CFAP47: variants seen among roughly 807,000 people sequenced by gnomAD.
The protein encoded by CFAP47 is cilia- and flagella-associated protein 47.
In CFAP47, 29 loss-of-function variants were observed where a neutral mutation model predicts 148.1. That is an observed-to-expected ratio of 0.20 (90% CI 0.15 to 0.27). The LOEUF is 0.27. Ranked by LOEUF, CFAP47 falls within the 10% of genes least tolerant of loss-of-function variation. The pLI is 1.00. For missense variants in CFAP47, 1,872 were observed against 1,697.5 expected (o/e 1.10, Z -1.81); for synonymous variants, 664 against 577.3 (o/e 1.15, Z -2.15).
At chrX:36,122,899 C>G (rs1175574239) in intron 33 of CFAP47, among the ~76,000 whole-genome samples, 1 of 111,313 alleles carries the variant, frequency 9.0e-6, no homozygotes, top group East Asian at 2.9e-4. Flanking sequence ...GAACTCTTAA[C>G]ATTTATTGTA....
chrX:35,983,528 A>G (rs1014703736), intron 15 of CFAP47, among the ~76,000 whole-genome samples: 29 of 111,796 alleles, frequency 2.6e-4, no homozygotes, highest in Non-Finnish European at 3.8e-4. Context: ...TTTTGATCCA[A>G]TTTTAAAGAT....
chrX:36,013,492 C>T (rs1474139719), intron 21 of CFAP47, among the ~76,000 whole-genome samples: 1 of 111,629 alleles, frequency 9.0e-6, no homozygotes, highest in Admixed American at 9.5e-5. Context: ...ATAACAAAAT[C>T]AATATAGAGA....
intron 57 of CFAP47, among the ~76,000 whole-genome samples, chrX:36,341,527 C>T (rs1428670325): frequency 9.0e-6 from 1 of 111,233 alleles, no homozygotes; most frequent in Non-Finnish European, 1.9e-5. Context: ...GTTCACTTTA[C>T]TATCTTGAGA....
chrX:36,230,452 G>C (rs1468377248), intron 46 of CFAP47, among the ~76,000 whole-genome samples: 1 of 107,037 alleles, frequency 9.3e-6, no homozygotes, highest in South Asian at 4.1e-4. Context: ...CTTTTTGATG[G>C]GGTTGTTTGT....
At chrX:35,926,946 A>G (rs1406212367) in intron 2 of CFAP47, among the ~76,000 whole-genome samples, 1 of 109,506 alleles carries the variant, frequency 9.1e-6, no homozygotes, top group Non-Finnish European at 1.9e-5. Context: ...GGAGTTGGAG[A>G]CCAGCCTGGG....
Position 35,947,600 on chromosome X carries a change from T to C in CFAP47, c.518-714T>C, listed in dbSNP as rs757174794. On this transcript the variant is annotated intron_variant, in intron 3 of 63. Coordinates refer to ENST00000378653, the MANE Select transcript of CFAP47 (RefSeq NM_001304548.2). ...GCCCATGCCCTAGAATGAGCAAATG[T>C]GGAGCAGAGTCACCCAGCTGACCCA... Among the ~76,000 whole-genome samples the C allele has an allele frequency of 5.7e-5, 6 of 106,171 alleles. No individual in the cohort carries two copies. The East Asian group carries it at 2.0e-3, about 35-fold the overall frequency. The allele number at this position is 106,171 out of a possible 115,157, so 92.2% of individuals were successfully genotyped here.
intron 48 of CFAP47, among the ~76,000 whole-genome samples, chrX:36,243,645 G>GTGTA (rs1428665389): frequency 2.6e-5 from 1 of 38,587 alleles, no homozygotes; most frequent in Non-Finnish European, 3.8e-5. Flanking sequence ...TTATATGTGT[G>GTGTA]TGTATATATA....
At chrX:36,137,864 C>A in intron 33 of CFAP47, 94 bp from the exon 34 acceptor site, 1 of 384,473 alleles carries the variant, frequency 2.6e-6, no homozygotes, top group Non-Finnish European at 4.5e-6. Flanking sequence ...CAAGCAGAAG[C>A]AAAATTTTCT....
At chrX:36,242,305 AT>A (rs1341456460) in intron 48 of CFAP47, among the ~76,000 whole-genome samples, 1 of 112,060 alleles carries the variant, frequency 8.9e-6, no homozygotes, top group Non-Finnish European at 1.9e-5. Flanking sequence ...GTCTCCAGGA[AT>A]GGTTCTTAAC....
intron 49 of CFAP47, among the ~76,000 whole-genome samples, chrX:36,270,972 T>G (rs1940952009): frequency 9.1e-6 from 1 of 110,482 alleles, no homozygotes; most frequent in Non-Finnish European, 1.9e-5. Context: ...CCAGCCTCTG[T>G]TTTTCATCAG....
rs781337588 is a variant in CFAP47, at chrX:36,120,565, A to G, written c.5320+15874A>G. Among the ~76,000 whole-genome samples, 580 of 111,221 alleles carry G rather than the reference A, an allele frequency of 5.2e-3. 6 individuals carry two copies. The highest frequency in any genetic ancestry group is 0.018 in the African/African-American group (556 of 30,645). ...CCCCTAGGTTTGGTATGTTGTTTCC[A>G]TTATAATTTATTTCAAGAAATTTTT... On this transcript the variant is annotated intron_variant, in intron 33 of 63. Coordinates refer to ENST00000378653, the MANE Select transcript of CFAP47 (RefSeq NM_001304548.2).
At chrX:36,261,339 T>TTTTTTTTG (rs1940818265) in intron 49 of CFAP47, among the ~76,000 whole-genome samples, 1 of 96,237 alleles carries the variant, frequency 1.0e-5, no homozygotes, top group Non-Finnish European at 2.1e-5. Flanking sequence ...TTTTTTTTTT[T>TTTTTTTTG]TTTTTCATTG....
chrX:36,023,327 G>A (rs756353464), intron 22 of CFAP47, among the ~76,000 whole-genome samples: 24 of 111,923 alleles, frequency 2.1e-4, no homozygotes, highest in African/African-American at 7.8e-4. Flanking sequence ...CTCTCTCTCT[G>A]TTCTGAGACA....
intron 61 of CFAP47, among the ~76,000 whole-genome samples, chrX:36,366,295 C>T (rs1556020256): frequency 9.0e-6 from 1 of 111,680 alleles, no homozygotes; most frequent in Non-Finnish European, 1.9e-5. Context: ...CATTCATCAA[C>T]TCTGGCTACT....
At chrX:36,235,787 A>G (rs1555994407) in intron 46 of CFAP47, 147 bp from the exon 47 acceptor site, 1 of 344,501 alleles carries the variant, frequency 2.9e-6, no homozygotes. Context: ...ATTTATTCTT[A>G]ACAAATATGA....
intron 60 of CFAP47, 46 bp from the exon 61 acceptor site, chrX:36,361,284 G>A: frequency 1.4e-6 from 1 of 714,001 alleles, no homozygotes; most frequent in South Asian, 2.6e-5. Flanking sequence ...TTAAATCTAT[G>A]CATATTTAAT....
At chrX:36,283,247 TTTTAA>T (rs1941098680) in intron 50 of CFAP47, among the ~76,000 whole-genome samples, 1 of 111,833 alleles carries the variant, frequency 8.9e-6, no homozygotes, top group Non-Finnish European at 1.9e-5. Context: ...TAGAAAAATA[TTTTAA>T]TTTAAGGCTC....
chrX:36,256,956 G>T (rs1940760500), intron 49 of CFAP47, among the ~76,000 whole-genome samples: 1 of 111,967 alleles, frequency 8.9e-6, no homozygotes, highest in East Asian at 2.8e-4. Flanking sequence ...AGTTGAGAGA[G>T]GATTCTCTGA....
At chrX:35,950,824 T>C (rs545997390) in intron 4 of CFAP47, among the ~76,000 whole-genome samples, 2 of 111,979 alleles carry the variant, frequency 1.8e-5, no homozygotes, top group East Asian at 5.7e-4. Context: ...ATTTAAATAA[T>C]TGGCAATATG....
Sources: gnomAD v4.1 joint callset for allele counts (sites outside exome capture counted in the v4.1 genomes callset) on GRCh38, gnomAD v4.1.1 for gene constraint, MANE v1.5 for transcripts, NCBI Gene and HGNC (gene_info 2026-07-23, HGNC 2026-07-21) for gene names.